Variants in NKAIN2 observed in about 807,000 individuals in gnomAD.
NKAIN2 encodes sodium/potassium transporting ATPase interacting 2, also known as sodium/potassium-transporting ATPase subunit beta-1-interacting protein 2.
Under a neutral mutation model 32.6 loss-of-function variants are expected in NKAIN2, and 14 were observed. The ratio of observed to expected loss-of-function variants is 0.43; its 90% CI spans 0.28 to 0.67. The LOEUF is 0.67. Ranked by LOEUF, NKAIN2 falls within the 30% of genes least tolerant of loss-of-function variation. The pLI is 0.17. For synonymous variants in NKAIN2, 80 were observed against 87.2 expected (o/e 0.92, Z 0.46); for missense variants, 198 against 258.3 (o/e 0.77, Z 1.60).
At chr6:124,613,820 T>A (rs1044011455) in intron 3 of NKAIN2, among the ~76,000 whole-genome samples, 1 of 152,236 alleles carries the variant, frequency 6.6e-6, no homozygotes, top group African/African-American at 2.4e-5. Context: ...AAAGGCTTGG[T>A]TGCCTTCATC....
At chr6:124,694,781 G>A (rs977169756) in intron 4 of NKAIN2, among the ~76,000 whole-genome samples, 3 of 152,174 alleles carry the variant, frequency 2.0e-5, no homozygotes, top group African/African-American at 7.2e-5. Flanking sequence ...CTGCTAGCAT[G>A]AAATTGATTT....
At chr6:124,406,748 GTTTT>G (rs927048264) in intron 3 of NKAIN2, among the ~76,000 whole-genome samples, 4 of 151,862 alleles carry the variant, frequency 2.6e-5, no homozygotes, top group Non-Finnish European at 5.9e-5. Context: ...AAAATTTGTT[GTTTT>G]TTTATTTGAG....
intron 4 of NKAIN2, among the ~76,000 whole-genome samples, chr6:124,673,442 T>C (rs1773201249): frequency 6.6e-6 from 1 of 152,094 alleles, no homozygotes; most frequent in Admixed American, 6.6e-5. Flanking sequence ...CATTTTACTT[T>C]TAATTTTTTG....
chr6:124,275,926 G>A (rs1317161057), intron 1 of NKAIN2, among the ~76,000 whole-genome samples: 2 of 152,028 alleles, frequency 1.3e-5, no homozygotes, highest in South Asian at 2.1e-4. Context: ...TAGGACTTAT[G>A]TATTATAACA....
chr6:123,808,526 A>G (rs1170404038), intron 1 of NKAIN2, among the ~76,000 whole-genome samples: 1 of 152,198 alleles, frequency 6.6e-6, no homozygotes, highest in Non-Finnish European at 1.5e-5. Context: ...TCTGCCTTAT[A>G]TATACCAGGA....
intron 3 of NKAIN2, among the ~76,000 whole-genome samples, chr6:124,626,016 A>G (rs1171377072): frequency 6.6e-6 from 1 of 151,436 alleles, no homozygotes; most frequent in Non-Finnish European, 1.5e-5. Context: ...ATATGTATAC[A>G]TGTGCCATGT....
intron 2 of NKAIN2, among the ~76,000 whole-genome samples, chr6:124,287,916 A>C (rs1360929951): frequency 6.6e-6 from 1 of 151,966 alleles, no homozygotes; most frequent in East Asian, 1.9e-4. Flanking sequence ...TGCCAAAAAC[A>C]AATGTTGCTG....
At chr6:124,494,264 C>T (rs1376866367) in intron 3 of NKAIN2, among the ~76,000 whole-genome samples, 1 of 152,002 alleles carries the variant, frequency 6.6e-6, no homozygotes, top group Non-Finnish European at 1.5e-5. Context: ...ATATCAGATG[C>T]TAAATAAATG....
intron 1 of NKAIN2, among the ~76,000 whole-genome samples, chr6:123,980,515 G>A (rs547476217): frequency 6.6e-6 from 1 of 152,130 alleles, no homozygotes; most frequent in Non-Finnish European, 1.5e-5. Flanking sequence ...TTGATTTACT[G>A]GTATCACTGC....
At chr6:124,473,514 G>A (rs1777060659) in intron 3 of NKAIN2, among the ~76,000 whole-genome samples, 1 of 151,938 alleles carries the variant, frequency 6.6e-6, no homozygotes, top group African/African-American at 2.4e-5. Context: ...TTCCTTTGAG[G>A]TTTATGTAGG....
chr6:123,921,337 T>G (rs1036449585), intron 1 of NKAIN2, among the ~76,000 whole-genome samples: 6 of 152,204 alleles, frequency 3.9e-5, no homozygotes, highest in Non-Finnish European at 7.4e-5. Context: ...TGCCTTACTA[T>G]AGCTTAAACT....
chr6:124,196,485 G>A (rs1582829773), intron 1 of NKAIN2, among the ~76,000 whole-genome samples: 1 of 152,100 alleles, frequency 6.6e-6, no homozygotes, highest in East Asian at 1.9e-4. Context: ...AACAGATTTG[G>A]TTTTAATTGT....
chr6:124,489,513 A>C (rs1197623913), intron 3 of NKAIN2, among the ~76,000 whole-genome samples: 1 of 151,904 alleles, frequency 6.6e-6, no homozygotes, highest in Non-Finnish European at 1.5e-5. Flanking sequence ...ATCAGAGCTT[A>C]GCCCAGCCTA....
intron 1 of NKAIN2, among the ~76,000 whole-genome samples, chr6:123,956,029 A>G (rs79969177): frequency 0.051 from 7,693 of 150,918 alleles, 598 homozygotes; most frequent in African/African-American, 0.17. Context: ...ATGGATGCTT[A>G]ACTTGGGAGA....
chr6:123,925,067 G>A (rs990817711), intron 1 of NKAIN2, among the ~76,000 whole-genome samples: 1 of 152,026 alleles, frequency 6.6e-6, no homozygotes, highest in Non-Finnish European at 1.5e-5. Flanking sequence ...CATCCAGAAT[G>A]GAATTTTTTT....
chr6:123,909,141 A>G (rs1775036329), intron 1 of NKAIN2, among the ~76,000 whole-genome samples: 2 of 151,956 alleles, frequency 1.3e-5, no homozygotes, highest in Admixed American at 6.6e-5. Context: ...CGCACCTTCT[A>G]CTTCTAACCT....
chr6:124,279,732 C>A (rs1178199803), intron 1 of NKAIN2, among the ~76,000 whole-genome samples: 1 of 151,390 alleles, frequency 6.6e-6, no homozygotes, highest in East Asian at 1.9e-4. Flanking sequence ...TATGCCATCC[C>A]AAGTAGGGAT....
At chr6:123,859,166 T>G (rs1394340227) in intron 1 of NKAIN2, among the ~76,000 whole-genome samples, 3 of 152,266 alleles carry the variant, frequency 2.0e-5, no homozygotes, top group African/African-American at 7.2e-5. Context: ...ACATAAGAAA[T>G]TCAATCACAA....
chr6:123,900,270 G>A (rs1236557129), intron 1 of NKAIN2, among the ~76,000 whole-genome samples: 2 of 152,024 alleles, frequency 1.3e-5, no homozygotes, highest in African/African-American at 4.8e-5. Context: ...AGGAGATCGA[G>A]ACCATCCTGT....
Sources: gnomAD v4.1 joint callset for allele counts (sites outside exome capture counted in the v4.1 genomes callset) on GRCh38, gnomAD v4.1.1 for gene constraint, MANE v1.5 for transcripts, NCBI Gene and HGNC (gene_info 2026-07-23, HGNC 2026-07-21) for gene names.